RPRD2: variants seen among roughly 807,000 people sequenced by gnomAD.
The protein encoded by RPRD2 is regulation of nuclear pre-mRNA domain-containing protein 2.
A neutral mutation model predicts 104.4 loss-of-function variants in RPRD2; 12 were observed. That is an observed-to-expected ratio of 0.11 (90% CI 0.07 to 0.19). The LOEUF is 0.19. RPRD2 is among the 10% of genes least tolerant of loss of function. RPRD2 has a pLI of 1.00. For synonymous variants in RPRD2, 714 were observed against 684.9 expected (o/e 1.04, Z -0.66); for missense variants, 1,543 against 1,790.1 (o/e 0.86, Z 2.49).
chr1:150,385,451 G>A (rs1446330140), intron 1 of RPRD2, among the ~76,000 whole-genome samples: 2 of 152,168 alleles, frequency 1.3e-5, no homozygotes, highest in Admixed American at 6.6e-5. Flanking sequence ...TCTAGCCTCG[G>A]CGGCAAAGCA....
At chr1:150,399,734 G>T (rs1309874740) in intron 1 of RPRD2, among the ~76,000 whole-genome samples, 2 of 149,996 alleles carry the variant, frequency 1.3e-5, no homozygotes, top group African/African-American at 2.4e-5. Context: ...TCCAGCCTGG[G>T]TGACAGAGTG....
intron 1 of RPRD2, among the ~76,000 whole-genome samples, chr1:150,395,988 A>G (rs1553884138): frequency 1.3e-5 from 2 of 152,164 alleles, no homozygotes; most frequent in Non-Finnish European, 2.9e-5. Context: ...TTTTCACTGC[A>G]TCCATGCCAA....
chr1:150,434,070 T>C (rs1665833434), intron 2 of RPRD2, among the ~76,000 whole-genome samples: 1 of 152,100 alleles, frequency 6.6e-6, no homozygotes, highest in African/African-American at 2.4e-5. Context: ...ACATGAAATA[T>C]CTGGCCAGGC....
At chr1:150,416,192 G>C (rs587706972) in intron 1 of RPRD2, among the ~76,000 whole-genome samples, 68 of 152,170 alleles carry the variant, frequency 4.5e-4, no homozygotes, top group Non-Finnish European at 8.4e-4. Context: ...GAGATAGAAG[G>C]CTGAATTAGG....
intron 2 of RPRD2, among the ~76,000 whole-genome samples, chr1:150,422,602 T>C (rs1320854345): frequency 6.6e-6 from 1 of 152,100 alleles, no homozygotes; most frequent in Non-Finnish European, 1.5e-5. Context: ...TGAAGAAATA[T>C]GAGCCCAACA....
chr1:150,430,850 C>T lies in RPRD2; in HGVS notation c.336-10073C>T, dbSNP rs587600309. Among the ~76,000 whole-genome samples the T allele has an allele frequency of 1.2e-4, 18 of 152,012 alleles. 1 individual carries two copies. In the East Asian group the frequency reaches 3.5e-3, roughly 29 times the overall value. ...GACTGAGGCGGGAAAATCGCTTGAA[C>T]CGAGAGGTGGAGGTTGCGGTGAGCT... On this transcript the variant is annotated intron_variant, in intron 2 of 10. Transcript: ENST00000369068.
At chr1:150,414,484 C>T (rs1197567184) in intron 1 of RPRD2, among the ~76,000 whole-genome samples, 1 of 151,962 alleles carries the variant, frequency 6.6e-6, no homozygotes, top group Non-Finnish European at 1.5e-5. Flanking sequence ...AGGAGAGAAT[C>T]CTGGAGAACA....
At chr1:150,382,308 A>C (rs1314033729) in intron 1 of RPRD2, among the ~76,000 whole-genome samples, 2 of 152,204 alleles carry the variant, frequency 1.3e-5, no homozygotes, top group African/African-American at 4.8e-5. Flanking sequence ...ACCTATTCAT[A>C]TAGCAACATC....
In RPRD2 at chr1:150,425,869, G is replaced by A. The variant is rs782416147; in HGVS notation, c.335+8144G>A. Among the ~76,000 whole-genome samples, 19 of 152,224 alleles carry A rather than the reference G, an allele frequency of 1.2e-4. 1 individual carries two copies. Among genetic ancestry groups the A allele is most frequent in the African/African-American group, 4.3e-4 (18 of 41,530 alleles). ...CTCATGCCTATAATCCCAGCACTTT[G>A]GGAGGCCAAGGCAGCAGTATCACCT... On this transcript the variant is annotated intron_variant, in intron 2 of 10. Coordinates refer to ENST00000369068, the MANE Select transcript of RPRD2 (RefSeq NM_015203.5).
chr1:150,472,322 G>A lies in RPRD2; in HGVS notation c.3374G>A (p.Arg1125Lys). ...GNRGHGREAS[R>K]VGWFDLSTSG... is the part of the protein sequence containing the mutation. ...AGAGGACATGGGCGTGAGGCTTCAA[G>A]GGTGGGTTGGTTTGATCTGAGCACA... The change falls in exon 11 of 11, where the codon AGG becomes AAG. Residue 1125 changes from arginine to lysine, a missense_variant. By Grantham distance (26) the Arg-to-Lys change is conservative (BLOSUM62 2). Around this residue, in one of 4 missense-constraint regions of RPRD2, gnomAD observed 880 missense variants for 885.6 expected, o/e 0.99. Coordinates refer to ENST00000369068, the MANE Select transcript of RPRD2 (RefSeq NM_015203.5). 1 of 1,614,004 alleles carries A rather than the reference G, an allele frequency of 6.2e-7. No homozygotes were observed. The highest frequency in any genetic ancestry group is 8.5e-7 in the Non-Finnish European group (1 of 1,179,898).
In RPRD2 at chr1:150,446,223, T is replaced by C. The variant is rs927356356; in HGVS notation, c.695-3T>C. 2 of 1,547,118 alleles carry C rather than the reference T, an allele frequency of 1.3e-6. No individual in the cohort carries two copies. The highest frequency in any genetic ancestry group is 1.4e-5 in the African/African-American group (1 of 71,842). The stretch of plus-strand genomic sequence containing the variant: ...GAAATGAATATTTCCCATGTCATTT[T>C]AGATAAAACAGGTGGGAAGAAGTTC... On this transcript the variant is annotated splice_region_variant and splice_polypyrimidine_tract_variant and intron_variant, in intron 6 of 10. Transcript: ENST00000369068.
In RPRD2 at chr1:150,364,579, C is replaced by G. The variant is rs1553876774; in HGVS notation, c.-136C>G. On this transcript the variant is annotated 5_prime_UTR_variant, in exon 1 of 11. Transcript: ENST00000369068. ...TCCGTACCTCCAGAAGAGCCCAGCG[C>G]GTGCACCATCCCCACCCCCTAGCTT... The G allele has an allele frequency of 1.7e-6, 1 of 603,492 alleles. No homozygotes were observed. Among genetic ancestry groups the G allele is most frequent in the Admixed American group, 3.1e-5 (1 of 32,040 alleles). The allele number at this position is 603,492 out of a possible 1,614,324, so 37.4% of individuals were successfully genotyped here. A position where few individuals can be genotyped will look rare whatever the true frequency, so the allele number is the denominator to read the frequency against.
chr1:150,457,476 T>A lies in RPRD2; in HGVS notation c.1059T>A (p.Ser353Arg), dbSNP rs1291628421. The change falls in exon 8 of 11, where the codon AGT becomes AGA. Residue 353 changes from serine to arginine, a missense_variant. By Grantham distance (110) the Ser-to-Arg change is moderately radical (BLOSUM62 -1). Coordinates refer to ENST00000369068, the MANE Select transcript of RPRD2 (RefSeq NM_015203.5). ...AATCCCAGTCACCAACCATGGAGAG[T>A]GAGAAATCTGCCACACCTGAACCTG... Reference protein sequence around the residue: ...GEESQSPTMESEKSATPEPVT... With the variant: ...GEESQSPTMEREKSATPEPVT... The A allele has an allele frequency of 1.2e-6, 2 of 1,613,442 alleles. No homozygotes were observed. Among genetic ancestry groups the A allele is most frequent in the African/African-American group, 2.7e-5 (2 of 74,800 alleles).
intron 1 of RPRD2, among the ~76,000 whole-genome samples, chr1:150,396,569 C>T (rs1662546623): frequency 6.6e-6 from 1 of 152,178 alleles, no homozygotes; most frequent in Admixed American, 6.6e-5. Context: ...CATTCTTCTA[C>T]ATGTGGCTTG....
At chr1:150,463,385 C>A (rs1330378953) in intron 9 of RPRD2, among the ~76,000 whole-genome samples, 2 of 151,948 alleles carry the variant, frequency 1.3e-5, no homozygotes, top group African/African-American at 4.8e-5. Context: ...AATTGATATC[C>A]AAAAAAGTGC....
At chr1:150,432,120 A>T (rs934669013) in intron 2 of RPRD2, among the ~76,000 whole-genome samples, 3 of 151,876 alleles carry the variant, frequency 2.0e-5, no homozygotes, top group Admixed American at 1.3e-4. Context: ...AATTTTCCTT[A>T]AAAAAGGAAT....
intron 2 of RPRD2, among the ~76,000 whole-genome samples, chr1:150,430,281 GA>G (rs1208385012): frequency 6.6e-6 from 1 of 151,972 alleles, no homozygotes; most frequent in African/African-American, 2.4e-5. Flanking sequence ...TGGACAGATG[GA>G]AAAAAATAAT....
At chr1:150,420,559 C>T (rs1229977238) in intron 2 of RPRD2, among the ~76,000 whole-genome samples, 1 of 152,190 alleles carries the variant, frequency 6.6e-6, no homozygotes, top group African/African-American at 2.4e-5. Flanking sequence ...GGTGCAGTGG[C>T]TCATGCCTAT....
rs587622867 is a variant in RPRD2, at chr1:150,474,308, TTGG to T, written c.*979_*981del. The T allele has an allele frequency of 4.6e-5, 7 of 152,352 alleles. No homozygotes were observed. In the East Asian group the frequency reaches 1.3e-3, roughly 29 times the overall value. The allele number at this position is 152,352 out of a possible 1,614,324, so 9.4% of individuals were successfully genotyped here. ...GCCTCCCTAATGTAAGTGATATTTA[TTGG>T]TGGTTTTCAACAAAGGTTAACTATT... On this transcript the variant is annotated 3_prime_UTR_variant, in exon 11 of 11. Transcript: ENST00000369068.
Sources: gnomAD v4.1 joint callset for allele counts (sites outside exome capture counted in the v4.1 genomes callset) on GRCh38, gnomAD v4.1.1 for gene constraint, gnomAD v4.1.1 regional missense constraint, MANE v1.5 for transcripts, NCBI Gene and HGNC (gene_info 2026-07-23, HGNC 2026-07-21) for gene names.